Variants in TMEM131L observed in about 807,000 individuals in gnomAD.
TMEM131L encodes the protein transmembrane protein 131-like.
A neutral mutation model predicts 192.2 loss-of-function variants in TMEM131L; 54 were observed. The ratio of observed to expected loss-of-function variants is 0.28; its 90% CI spans 0.23 to 0.35. The LOEUF (loss-of-function observed/expected upper bound fraction) is 0.35, where lower values mean the gene tolerates loss of function less well. Ranked by LOEUF, TMEM131L falls within the 10% of genes least tolerant of loss-of-function variation. TMEM131L has a pLI of 1.00. For missense variants in TMEM131L, 1,888 were observed against 1,972.9 expected, an observed-to-expected ratio of 0.96 and a Z score of 0.82; for synonymous variants, 701 against 704.9, an observed-to-expected ratio of 0.99 and a Z score of 0.09.
intron 4 of TMEM131L, among the ~76,000 whole-genome samples, chr4:153,554,742 G>T (rs1348182237): frequency 1.3e-5 from 2 of 152,196 alleles, no homozygotes; most frequent in East Asian, 3.8e-4. Flanking sequence ...CTGAAGAAAT[G>T]ACTTTAGTGA....
At chr4:153,615,525 CA>C (rs1732916057) in intron 26 of TMEM131L, among the ~76,000 whole-genome samples, 1 of 152,036 alleles carries the variant, frequency 6.6e-6, no homozygotes, top group Non-Finnish European at 1.5e-5. Flanking sequence ...GCTGAGGGTG[CA>C]GGTATAGCAA....
At chr4:153,547,268 T>C (rs11724474) in intron 3 of TMEM131L, among the ~76,000 whole-genome samples, 33,035 of 152,196 alleles carry the variant, frequency 0.22, 5,280 homozygotes, top group African/African-American at 0.42. Flanking sequence ...CTGATTTTTA[T>C]TGGGTATGTA....
intron 25 of TMEM131L, among the ~76,000 whole-genome samples, chr4:153,609,345 TCA>T (rs1732460638): frequency 6.6e-6 from 1 of 152,146 alleles, no homozygotes; most frequent in Admixed American, 6.5e-5. Flanking sequence ...GAGAACTCTC[TCA>T]CTATCATGAG....
chr4:153,509,658 A>G (rs1475861263), intron 3 of TMEM131L, among the ~76,000 whole-genome samples: 10 of 152,178 alleles, frequency 6.6e-5, no homozygotes, highest in Non-Finnish European at 1.3e-4. Context: ...CCTGGGAGAC[A>G]GTGAGCTGAG....
intron 3 of TMEM131L, among the ~76,000 whole-genome samples, chr4:153,529,200 C>T (rs1488974061): frequency 6.6e-6 from 1 of 152,126 alleles, no homozygotes; most frequent in Non-Finnish European, 1.5e-5. Context: ...TGGAAATGTT[C>T]TGTTCCATAG....
At chr4:153,469,041 T>G (rs376836055) in intron 2 of TMEM131L, among the ~76,000 whole-genome samples, 22 of 152,316 alleles carry the variant, frequency 1.4e-4, no homozygotes, top group African/African-American at 5.1e-4. Context: ...CCTAAATGAT[T>G]ATTTGATTTA....
intron 3 of TMEM131L, among the ~76,000 whole-genome samples, chr4:153,491,257 A>G (rs1315429550): frequency 6.6e-6 from 1 of 152,200 alleles, no homozygotes; most frequent in African/African-American, 2.4e-5. Context: ...CACCTGTAAT[A>G]TTGACTAATA....
intron 7 of TMEM131L, among the ~76,000 whole-genome samples, chr4:153,567,841 C>T (rs1729326717): frequency 6.6e-6 from 1 of 152,166 alleles, no homozygotes; most frequent in Non-Finnish European, 1.5e-5. Context: ...CCAAGCCCAG[C>T]CCCCAGGCTG....
intron 25 of TMEM131L, among the ~76,000 whole-genome samples, chr4:153,610,385 T>TG: frequency 6.6e-6 from 1 of 152,200 alleles, no homozygotes; most frequent in Non-Finnish European, 1.5e-5. Flanking sequence ...AAACATGCCA[T>TG]GATGCTTTAT....
At chr4:153,587,535 C>T (rs1021574849) in intron 14 of TMEM131L, among the ~76,000 whole-genome samples, 1 of 152,056 alleles carries the variant, frequency 6.6e-6, no homozygotes, top group Non-Finnish European at 1.5e-5. Context: ...ATTATTGTGC[C>T]TGCAGAAGCC....
rs752264104 is a variant in TMEM131L, at chr4:153,592,478, A to C, written c.1816A>C (p.Lys606Gln). The change falls in exon 18 of 35, where the codon AAG becomes CAG. Residue 606 changes from lysine to glutamine, a missense_variant. Lys to Gln is a moderately conservative substitution (Grantham distance 53). Transcript: ENST00000409959. ...ACTTTTCTTTCCTCACACCTAGATC[A>C]AGTACTTTGTGGTGCAGAACCCGTC... is the stretch of plus-strand genomic sequence containing the variant. Reference protein sequence around the residue: ...SATALRSRMIKYFVVQNPSSW... With the variant: ...SATALRSRMIQYFVVQNPSSW... 5 of 1,612,314 alleles carry C rather than the reference A, an allele frequency of 3.1e-6. No individual in the cohort carries two copies. The highest frequency in any genetic ancestry group is 4.2e-6 in the Non-Finnish European group (5 of 1,178,498).
intron 3 of TMEM131L, among the ~76,000 whole-genome samples, chr4:153,476,988 C>CT: frequency 6.6e-6 from 1 of 152,234 alleles, no homozygotes; most frequent in South Asian, 2.1e-4. Context: ...CTTAAACATC[C>CT]TTTTTGGGTG....
At chr4:153,619,245 A>G (rs1045343368) in intron 26 of TMEM131L, among the ~76,000 whole-genome samples, 32 of 152,328 alleles carry the variant, frequency 2.1e-4, no homozygotes, top group African/African-American at 7.5e-4. Flanking sequence ...GATAGGCTCA[A>G]GTACTTGCTG....
chr4:153,528,654 C>T (rs1475424555), intron 3 of TMEM131L, among the ~76,000 whole-genome samples: 1 of 152,112 alleles, frequency 6.6e-6, no homozygotes, highest in Non-Finnish European at 1.5e-5. Context: ...GGTTCTCTGC[C>T]TAGGCTGTCT....
chr4:153,602,483 G>A (rs1731910271), intron 22 of TMEM131L, 59 bp from the exon 23 acceptor site: 2 of 1,565,318 alleles, frequency 1.3e-6, no homozygotes, highest in Admixed American at 3.4e-5. Context: ...TCATTATTTT[G>A]CCTTGTGGCT....
At position 153,518,790 on chromosome 4, in the gene TMEM131L, G is replaced by A. The variant is rs1734911743; in HGVS notation, c.240-31283G>A. ...CTCTGTTTTCTCCTTCGGTGATATC[G>A]AAACTGACTTTCAGCCCTTTCATTG... On this transcript the variant is annotated intron_variant, in intron 3 of 34. Transcript: ENST00000409959. 3.9e-5 allele frequency among the ~76,000 whole-genome samples: 6 copies of A among 152,228 alleles called. No individual in the cohort carries two copies. In the South Asian group the frequency reaches 1.2e-3, roughly 32 times the overall value.
At chr4:153,568,297 T>G (rs1398423784) in intron 7 of TMEM131L, among the ~76,000 whole-genome samples, 4 of 152,202 alleles carry the variant, frequency 2.6e-5, no homozygotes, top group African/African-American at 9.6e-5. Context: ...CCCCTCACTT[T>G]TGTTTCAGAC....
At chr4:153,603,194 A>G (rs1731967827) in intron 23 of TMEM131L, 109 bp from the exon 24 acceptor site, 1 of 889,584 alleles carries the variant, frequency 1.1e-6, no homozygotes, top group Non-Finnish European at 1.7e-6. Flanking sequence ...TTAATACTGC[A>G]TCTTCAGATG....
intron 3 of TMEM131L, among the ~76,000 whole-genome samples, chr4:153,497,037 T>G (rs1733224306): frequency 6.6e-6 from 1 of 151,974 alleles, no homozygotes; most frequent in Non-Finnish European, 1.5e-5. Flanking sequence ...GTTTTTGTGT[T>G]TTTTTGTAGA....
Sources: allele counts gnomAD v4.1 joint callset (sites outside exome capture counted in the v4.1 genomes callset), GRCh38; gene constraint gnomAD v4.1.1; transcripts MANE v1.5; gene names NCBI Gene and HGNC (gene_info 2026-07-23, HGNC 2026-07-21).